NDUFB5: variants seen among roughly 807,000 people sequenced by gnomAD.
NDUFB5 encodes the protein NADH dehydrogenase [ubiquinone] 1 beta subcomplex subunit 5, mitochondrial.
In NDUFB5, 19 loss-of-function variants were observed where a neutral mutation model predicts 19.4. That is an observed-to-expected ratio of 0.98 (90% CI 0.68 to 1.43). NDUFB5 has a LOEUF of 1.43. Among genes scored for constraint, NDUFB5 ranks in the 40% most tolerant of loss-of-function variants. The probability of loss-of-function intolerance (pLI) is 0.00; values close to 1 mark genes in which losing one functional copy is unlikely to be tolerated. For synonymous variants in NDUFB5, 80 were observed against 82.6 expected, an observed-to-expected ratio of 0.97 and a Z score of 0.17; for missense variants, 233 against 236.5, an observed-to-expected ratio of 0.99 and a Z score of 0.10.
Position 179,623,023 on chromosome 3 carries a change from G to A in NDUFB5, c.450-897G>A, listed in dbSNP as rs867505327. 3.9e-5 allele frequency among the ~76,000 whole-genome samples: 6 copies of A among 152,126 alleles called. No individual in the cohort carries two copies. In the South Asian group the frequency reaches 1.2e-3, roughly 31 times the overall value. On this transcript the variant is annotated intron_variant, in intron 5 of 5. Coordinates refer to ENST00000259037, the MANE Select transcript of NDUFB5 (RefSeq NM_002492.4). ...GTTGGAGAATATTTTTCTTAATCTT[G>A]ATTTTTCTTGCTTTCTATTTATGTT...
At chr3:179,607,138 C>T (rs761166102) in intron 1 of NDUFB5, among the ~76,000 whole-genome samples, 2 of 152,156 alleles carry the variant, frequency 1.3e-5, no homozygotes, top group Non-Finnish European at 2.9e-5. Flanking sequence ...GGATCATTAC[C>T]GTGTTCTGCG....
chr3:179,618,168 A>G (rs1719433183), intron 4 of NDUFB5: 1 of 325,410 alleles, frequency 3.1e-6, no homozygotes, highest in Admixed American at 4.8e-5. Context: ...AGTCAGACAG[A>G]CCTGGTTTGA....
intron 3 of NDUFB5, among the ~76,000 whole-genome samples, chr3:179,616,442 T>C (rs891620211): frequency 2.6e-5 from 4 of 152,020 alleles, no homozygotes; most frequent in Non-Finnish European, 4.4e-5. Flanking sequence ...CTCGGGAGGC[T>C]GAGGCAGGAG....
rs188986975 is a variant in NDUFB5, at chr3:179,611,773, A to G, written c.125-3198A>G. On this transcript the variant is annotated intron_variant, in intron 1 of 5. Transcript: ENST00000259037. ...TTATTCAATTCTTATAAAAATCGCA[A>G]TCATCAAAGGCTTAATAACTTTTCT... 1.3e-3 allele frequency among the ~76,000 whole-genome samples: 200 copies of G among 152,202 alleles called. 1 individual carries two copies. The highest frequency in any genetic ancestry group is 4.0e-3 in the African/African-American group (168 of 41,558).
Position 179,626,979 on chromosome 3 carries a change from G to GA in NDUFB5, c.*2945dup, listed in dbSNP as rs1281436944. Reference sequence around the variant, plus strand: ...ATCCTGAGTCTGGGTAATTTATAAAGAAAAAAGGTGTAAATGGCTCATAGT... The same window carrying GA: ...ATCCTGAGTCTGGGTAATTTATAAAGAAAAAAAGGTGTAAATGGCTCATAGT... On this transcript the variant is annotated 3_prime_UTR_variant, in exon 6 of 6. Coordinates refer to ENST00000259037, the MANE Select transcript of NDUFB5 (RefSeq NM_002492.4). 2 of 152,208 alleles carry GA rather than the reference G, an allele frequency of 1.3e-5. No homozygotes were observed. The highest frequency in any genetic ancestry group is 6.5e-5 in the Admixed American group (1 of 15,290). The allele number at this position is 152,208 out of a possible 1,614,324, so 9.4% of individuals were successfully genotyped here.
intron 1 of NDUFB5, among the ~76,000 whole-genome samples, chr3:179,609,591 G>A (rs1719187539): frequency 6.6e-6 from 1 of 152,110 alleles, no homozygotes; most frequent in African/African-American, 2.4e-5. Context: ...TCCACCTGGG[G>A]CCCCTTCCTT....
At chr3:179,620,383 A>G (rs569600691) in intron 5 of NDUFB5, among the ~76,000 whole-genome samples, 20 of 152,178 alleles carry the variant, frequency 1.3e-4, no homozygotes, top group African/African-American at 4.8e-4. Flanking sequence ...TATAAGGTGT[A>G]AGGAAGGGAT....
intron 5 of NDUFB5, 24 bp downstream of exon 5, chr3:179,618,545 G>A (rs747513417): frequency 6.6e-7 from 1 of 1,520,898 alleles, no homozygotes; most frequent in South Asian, 1.2e-5. Context: ...GGGGGTAGGT[G>A]GGAAAGAAAA....
chr3:179,605,697 A>C (rs888971662), intron 1 of NDUFB5, among the ~76,000 whole-genome samples: 5 of 152,124 alleles, frequency 3.3e-5, no homozygotes, highest in African/African-American at 1.2e-4. Context: ...TGTTCGTTTT[A>C]TACCAATGCA....
intron 1 of NDUFB5, among the ~76,000 whole-genome samples, chr3:179,610,912 C>T (rs558586245): frequency 3.9e-5 from 6 of 152,176 alleles, no homozygotes; most frequent in African/African-American, 1.4e-4. Flanking sequence ...GGAGTTAATC[C>T]AGACATGGAA....
At chr3:179,608,647 A>C (rs1719164131) in intron 1 of NDUFB5, among the ~76,000 whole-genome samples, 1 of 152,054 alleles carries the variant, frequency 6.6e-6, no homozygotes, top group Admixed American at 6.5e-5. Context: ...AAAGTGACTA[A>C]CTTTTTAAAA....
intron 5 of NDUFB5, among the ~76,000 whole-genome samples, chr3:179,620,558 C>T (rs1719508959): frequency 6.6e-6 from 1 of 152,204 alleles, no homozygotes; most frequent in East Asian, 1.9e-4. Flanking sequence ...TAGTCTATAT[C>T]TCTGTTTTGG....
chr3:179,610,253 C>T (rs886153389), intron 1 of NDUFB5, among the ~76,000 whole-genome samples: 17 of 151,984 alleles, frequency 1.1e-4, no homozygotes, highest in African/African-American at 2.4e-4. Context: ...CCACCACACC[C>T]GGCTAATTTT....
chr3:179,614,588 A>G (rs1719328073), intron 1 of NDUFB5, among the ~76,000 whole-genome samples: 1 of 152,178 alleles, frequency 6.6e-6, no homozygotes, highest in African/African-American at 2.4e-5. Context: ...CTGCTATTGA[A>G]ACAAATTAAA....
In NDUFB5 at chr3:179,626,566, T is replaced by G. The variant is rs1719677862; in HGVS notation, c.*2526T>G. 1 of 152,210 alleles carries G rather than the reference T, an allele frequency of 6.6e-6. No homozygotes were observed. The highest frequency in any genetic ancestry group is 2.4e-5 in the African/African-American group (1 of 41,354). The allele number at this position is 152,210 out of a possible 1,614,324, so 9.4% of individuals were successfully genotyped here. A position where few individuals can be genotyped will look rare whatever the true frequency, so the allele number is the denominator to read the frequency against. Reference sequence around the variant, plus strand: ...ATTTTTTTGAGATGGAGTCTTGCTGTGTCACCCAGGCTGGAGTGCAGTGGT... The same window carrying G: ...ATTTTTTTGAGATGGAGTCTTGCTGGGTCACCCAGGCTGGAGTGCAGTGGT... On this transcript the variant is annotated 3_prime_UTR_variant, in exon 6 of 6. Coordinates refer to ENST00000259037, the MANE Select transcript of NDUFB5 (RefSeq NM_002492.4).
rs550053800 is a variant in NDUFB5 at position 179,625,267 on chromosome 3, G to A, written c.*1227G>A. 3 of 152,134 alleles carry A rather than the reference G, an allele frequency of 2.0e-5. No homozygotes were observed. Among genetic ancestry groups the A allele is most frequent in the Admixed American group, 6.6e-5 (1 of 15,266 alleles). 9.4% of individuals were successfully genotyped at this position (152,134 alleles called of 1,614,324 possible). On this transcript the variant is annotated 3_prime_UTR_variant, in exon 6 of 6. Coordinates refer to ENST00000259037, the MANE Select transcript of NDUFB5 (RefSeq NM_002492.4). ...CAGCTTATCAATGCATCTCATCTTA[G>A]AAGTATGTTTTACATTCTTCATAAA... is the stretch of plus-strand genomic sequence containing the variant.
In NDUFB5 at chr3:179,615,912, A is replaced by G. The variant is rs1031591009; in HGVS notation, c.214-71A>G. The G allele has an allele frequency of 5.2e-6, 6 of 1,153,662 alleles. No individual in the cohort carries two copies. The African/African-American group carries it at 7.7e-5, about 15-fold the overall frequency. The allele number at this position is 1,153,662 out of a possible 1,614,324, so 71.5% of individuals were successfully genotyped here. ...TTTATAAGAAATATGAGGAAATCATATCATGAGGATGATTTGTGTGTGGGG... is the reference window on the plus strand; with the variant it reads ...TTTATAAGAAATATGAGGAAATCATGTCATGAGGATGATTTGTGTGTGGGG... On this transcript the variant is annotated intron_variant, in intron 2 of 5. Transcript: ENST00000259037.
rs1719679515 is a variant in NDUFB5 at position 179,626,637 on chromosome 3, TCTC to T, written c.*2600_*2602del. On this transcript the variant is annotated 3_prime_UTR_variant, in exon 6 of 6. Coordinates refer to ENST00000259037, the MANE Select transcript of NDUFB5 (RefSeq NM_002492.4). ...CCTCCGCCTCCCAGGTTCAAGCAAT[TCTC>T]CTGCCTCAGCCTCCTGAGTAGCTGG... 6.6e-6 allele frequency: 1 copy of T among 152,222 alleles called. No individual in the cohort carries two copies. Among genetic ancestry groups the T allele is most frequent in the Non-Finnish European group, 1.5e-5 (1 of 68,126 alleles). 9.4% of individuals were successfully genotyped at this position (152,222 alleles called of 1,614,324 possible). A position where few individuals can be genotyped will look rare whatever the true frequency, so the allele number is the denominator to read the frequency against.
At chr3:179,617,099 G>A in intron 4 of NDUFB5, 55 bp downstream of exon 4, 1 of 1,296,056 alleles carries the variant, frequency 7.7e-7, no homozygotes, top group Non-Finnish European at 1.1e-6. Context: ...CAACGCACTA[G>A]TTAATGTCTT....
Sources: allele counts gnomAD v4.1 joint callset (sites outside exome capture counted in the v4.1 genomes callset), GRCh38; gene constraint gnomAD v4.1.1; transcripts MANE v1.5; gene names NCBI Gene and HGNC (gene_info 2026-07-23, HGNC 2026-07-21).